GREM2: variants seen among roughly 807,000 people sequenced by gnomAD.
The protein encoded by GREM2 is gremlin 2, DAN family BMP antagonist.
In GREM2, 11 loss-of-function variants were observed where a neutral mutation model predicts 14.2. The ratio of observed to expected loss-of-function variants is 0.78; its 90% CI spans 0.49 to 1.28. The LOEUF is 1.28. Ranked by LOEUF, GREM2 falls within the 50% of genes most tolerant of loss-of-function variation. The probability of loss-of-function intolerance (pLI) is 0.00; values close to 1 mark genes in which losing one functional copy is unlikely to be tolerated. For missense variants in GREM2, 210 were observed against 218.5 expected (o/e 0.96, Z 0.24); for synonymous variants, 98 against 97.6 (o/e 1.00, Z -0.02).
chr1:240,547,514 A>AT (rs1553275843), intron 1 of GREM2, among the ~76,000 whole-genome samples: 1,185 of 102,592 alleles, frequency 0.012, 15 homozygotes, highest in African/African-American at 0.048. Flanking sequence ...AAAAAAAAAA[A>AT]ATATATATAT....
At chr1:240,534,126 C>T (rs780810255) in intron 1 of GREM2, among the ~76,000 whole-genome samples, 20 of 152,016 alleles carry the variant, frequency 1.3e-4, no homozygotes, top group South Asian at 4.1e-4. Flanking sequence ...CAGGGACAAA[C>T]CTGAGAAAGA....
chr1:240,552,758 G>A (rs1393035680), intron 1 of GREM2, among the ~76,000 whole-genome samples: 3 of 152,154 alleles, frequency 2.0e-5, no homozygotes, highest in East Asian at 1.9e-4. Flanking sequence ...CCTTCTAACC[G>A]ATTTTGGTGC....
chr1:240,588,502 C>T (rs889686063), intron 1 of GREM2: 3 of 152,188 alleles, frequency 2.0e-5, no homozygotes, highest in African/African-American at 7.2e-5. Context: ...TCTTCTTACG[C>T]CTTGTCACCG....
chr1:240,514,678 T>C (rs1304170456), intron 1 of GREM2, among the ~76,000 whole-genome samples: 1 of 152,098 alleles, frequency 6.6e-6, no homozygotes, highest in Admixed American at 6.6e-5. Flanking sequence ...GCAGGAGGAT[T>C]GCATGAGGCC....
chr1:240,503,364 A>G (rs941076958), intron 1 of GREM2, among the ~76,000 whole-genome samples: 1 of 152,134 alleles, frequency 6.6e-6, no homozygotes, highest in Admixed American at 6.5e-5. Context: ...TCATCTGAAC[A>G]TTGTGTTAGT....
At chr1:240,497,601 G>A (rs938777221) in intron 1 of GREM2, among the ~76,000 whole-genome samples, 2 of 138,412 alleles carry the variant, frequency 1.4e-5, no homozygotes, top group Non-Finnish European at 3.3e-5. Flanking sequence ...GATGACGCTG[G>A]GCAAAGGGAG....
chr1:240,503,189 C>T (rs1056385061), intron 1 of GREM2, among the ~76,000 whole-genome samples: 3 of 152,220 alleles, frequency 2.0e-5, no homozygotes, highest in Non-Finnish European at 4.4e-5. Context: ...TACCTCTGGA[C>T]TTCGTGTTCG....
rs988497501 is a variant in GREM2 at position 240,491,081 on chromosome 1, G to C, written c.*1888C>G. The stretch of plus-strand genomic sequence containing the variant: ...TGTATATACCCATTTATGAAACCAA[G>C]ACCCCCTCTGCCACAGCACATTCTT... On this transcript the variant is annotated 3_prime_UTR_variant, in exon 2 of 2. Transcript: ENST00000318160. 4 of 152,122 alleles carry C rather than the reference G, an allele frequency of 2.6e-5. No individual in the cohort carries two copies. The highest frequency in any genetic ancestry group is 9.7e-5 in the African/African-American group (4 of 41,384). The allele number at this position is 152,122 out of a possible 1,614,324, so 9.4% of individuals were successfully genotyped here. A position where few individuals can be genotyped will look rare whatever the true frequency, so the allele number is the denominator to read the frequency against.
intron 1 of GREM2, among the ~76,000 whole-genome samples, chr1:240,551,667 A>G (rs1393134174): frequency 6.6e-6 from 1 of 151,730 alleles, no homozygotes; most frequent in Admixed American, 6.6e-5. Flanking sequence ...CCTATTTTCT[A>G]AATGAACTAT....
chr1:240,557,131 C>T (rs969664433), intron 1 of GREM2, among the ~76,000 whole-genome samples: 3 of 151,392 alleles, frequency 2.0e-5, no homozygotes, highest in Non-Finnish European at 4.4e-5. Context: ...GATCACACCA[C>T]TGCACTCCAG....
chr1:240,544,811 A>G (rs535149224), intron 1 of GREM2, among the ~76,000 whole-genome samples: 5 of 152,266 alleles, frequency 3.3e-5, no homozygotes, highest in African/African-American at 1.2e-4. Context: ...TATAATCTAC[A>G]TATGTGTTTC....
intron 1 of GREM2, among the ~76,000 whole-genome samples, chr1:240,509,503 T>C (rs61832588): frequency 1.7e-4 from 26 of 151,744 alleles, no homozygotes; most frequent in Non-Finnish European, 2.5e-4. Context: ...CGAGTAGCTG[T>C]GATTACAGGC....
rs532365050 is a variant in GREM2, at chr1:240,492,379, T to C, written c.*590A>G. 1 of 296,322 alleles carries C rather than the reference T, an allele frequency of 3.4e-6. No individual in the cohort carries two copies. The highest frequency in any genetic ancestry group is 2.8e-5 in the South Asian group (1 of 35,648). 18.4% of individuals were successfully genotyped at this position (296,322 alleles called of 1,614,324 possible). On this transcript the variant is annotated 3_prime_UTR_variant, in exon 2 of 2. Transcript: ENST00000318160. ...ATCCAAGTGGCTCAAGTTGTCTTCT[T>C]GGTATCAGGTTTATTAGGAGACGCC...
intron 1 of GREM2, among the ~76,000 whole-genome samples, chr1:240,593,862 A>G (rs1679760489): frequency 6.6e-6 from 1 of 151,868 alleles, no homozygotes; most frequent in Admixed American, 6.6e-5. Flanking sequence ...GCAATGGCCT[A>G]CCTTCTGCTT....
chr1:240,529,925 T>C (rs528073603), intron 1 of GREM2, among the ~76,000 whole-genome samples: 75 of 152,328 alleles, frequency 4.9e-4, no homozygotes, highest in Non-Finnish European at 6.2e-4. Context: ...TTGAGGACTT[T>C]GAAAAGATAT....
At chr1:240,593,179 G>A (rs1419440056) in intron 1 of GREM2, among the ~76,000 whole-genome samples, 1 of 151,784 alleles carries the variant, frequency 6.6e-6, no homozygotes, top group Admixed American at 6.6e-5. Flanking sequence ...ATAAAATAAA[G>A]TCTAGGTAGT....
intron 1 of GREM2, among the ~76,000 whole-genome samples, chr1:240,583,364 T>G (rs974066023): frequency 6.6e-6 from 1 of 152,236 alleles, no homozygotes; most frequent in Non-Finnish European, 1.5e-5. Context: ...AGATAGCTAA[T>G]GACAAATGGC....
At chr1:240,551,561 T>A (rs1678852859) in intron 1 of GREM2, among the ~76,000 whole-genome samples, 1 of 152,088 alleles carries the variant, frequency 6.6e-6, no homozygotes, top group Admixed American at 6.6e-5. Context: ...TTGGCCAGGC[T>A]GGTCTCTAAC....
At chr1:240,549,163 C>T (rs1280459480) in intron 1 of GREM2, among the ~76,000 whole-genome samples, 1 of 151,914 alleles carries the variant, frequency 6.6e-6, no homozygotes, top group Non-Finnish European at 1.5e-5. Context: ...TGGAGAAACC[C>T]CATCTCTACT....
Sources: allele counts gnomAD v4.1 joint callset (sites outside exome capture counted in the v4.1 genomes callset), GRCh38; gene constraint gnomAD v4.1.1; transcripts MANE v1.5; gene names NCBI Gene and HGNC (gene_info 2026-07-23, HGNC 2026-07-21).